The following PPP3CA variants were observed in gnomAD, a reference collection of about 807,000 sequenced individuals.
PPP3CA encodes CAM-PRP catalytic subunit.
In PPP3CA, 14 loss-of-function variants were observed where a neutral mutation model predicts 66.5. The ratio of observed to expected loss-of-function variants is 0.21; its 90% confidence interval spans 0.14 to 0.33. The LOEUF is 0.33. Ranked by LOEUF, PPP3CA falls within the 10% of genes least tolerant of loss-of-function variation. The pLI, the probability that PPP3CA is intolerant of heterozygous loss-of-function variation, is 1.00. For synonymous variants in PPP3CA, 232 were observed against 226.2 expected (o/e 1.03, Z -0.23); for missense variants, 317 against 639.5 (o/e 0.50, Z 5.44).
At chr4:101,044,522 A>C (rs1169339611) in intron 10 of PPP3CA, among the ~76,000 whole-genome samples, 1 of 152,220 alleles carries the variant, frequency 6.6e-6, no homozygotes, top group Non-Finnish European at 1.5e-5. Flanking sequence ...AAAACATATA[A>C]TCACTTATTT....
chr4:101,288,589 A>C (rs1727917431), intron 1 of PPP3CA, among the ~76,000 whole-genome samples: 1 of 151,836 alleles, frequency 6.6e-6, no homozygotes, highest in Non-Finnish European at 1.5e-5. Context: ...AAGAGGGAAC[A>C]ACGGGAAGGA....
In PPP3CA at chr4:101,257,730, A is replaced by C. The variant is rs183650164; in HGVS notation, c.59-61614T>G. 1.7e-3 allele frequency among the ~76,000 whole-genome samples: 254 copies of C among 152,206 alleles called. 1 individual carries two copies. Among genetic ancestry groups the C allele is most frequent in the African/African-American group, 5.7e-3 (238 of 41,546 alleles). ...CTGTGTGAAAGGTGTCAAGCTTACC[A>C]TAAATGTACTATTTGTTTATTTTTA... On this transcript the variant is annotated intron_variant, in intron 1 of 13. Coordinates refer to ENST00000394854, the MANE Select transcript of PPP3CA (RefSeq NM_000944.5).
intron 1 of PPP3CA, among the ~76,000 whole-genome samples, chr4:101,288,676 T>C (rs369543048): frequency 1.6e-4 from 25 of 152,042 alleles, no homozygotes; most frequent in East Asian, 1.4e-3. Flanking sequence ...AGCATGCTAG[T>C]TACAAAGACA....
At chr4:101,159,489 C>T (rs1005752797) in intron 2 of PPP3CA, among the ~76,000 whole-genome samples, 20 of 152,122 alleles carry the variant, frequency 1.3e-4, no homozygotes, top group Admixed American at 1.1e-3. Flanking sequence ...AACACTTCCA[C>T]CCAAAAGAAA....
chr4:101,135,885 G>C (rs1722606044), intron 2 of PPP3CA, among the ~76,000 whole-genome samples: 1 of 152,112 alleles, frequency 6.6e-6, no homozygotes, highest in Non-Finnish European at 1.5e-5. Context: ...TGGGTAAACA[G>C]CTTGAACTCT....
At chr4:101,246,789 G>A (rs1163765181) in intron 1 of PPP3CA, among the ~76,000 whole-genome samples, 1 of 151,968 alleles carries the variant, frequency 6.6e-6, no homozygotes, top group Non-Finnish European at 1.5e-5. Context: ...AAGTTAAAGG[G>A]CTTTGTTATT....
At chr4:101,326,232 C>T (rs1729204833) in intron 1 of PPP3CA, among the ~76,000 whole-genome samples, 1 of 152,182 alleles carries the variant, frequency 6.6e-6, no homozygotes, top group Admixed American at 6.5e-5. Context: ...CTAACTCCTA[C>T]ATATATCTGA....
intron 2 of PPP3CA, among the ~76,000 whole-genome samples, chr4:101,184,030 G>C (rs190074001): frequency 1.4e-4 from 22 of 152,166 alleles, no homozygotes; most frequent in Non-Finnish European, 2.8e-4. Flanking sequence ...AAAGTAGCTA[G>C]GTCAGAAAAA....
intron 1 of PPP3CA, among the ~76,000 whole-genome samples, chr4:101,311,982 TA>T (rs1728736865): frequency 6.6e-6 from 1 of 152,210 alleles, no homozygotes; most frequent in African/African-American, 2.4e-5. Context: ...TACTACTTTG[TA>T]TCACTATGTA....
At chr4:101,247,722 T>A (rs1263789298) in intron 1 of PPP3CA, among the ~76,000 whole-genome samples, 1 of 152,166 alleles carries the variant, frequency 6.6e-6, no homozygotes, top group Non-Finnish European at 1.5e-5. Flanking sequence ...AACAAAAGAA[T>A]TTTAATATAG....
At chr4:101,102,013 G>A (rs1302573211) in intron 3 of PPP3CA, among the ~76,000 whole-genome samples, 4 of 152,170 alleles carry the variant, frequency 2.6e-5, no homozygotes, top group African/African-American at 4.8e-5. Flanking sequence ...GCTTTATCCC[G>A]TCCAGTCTTA....
intron 1 of PPP3CA, chr4:101,250,238 C>T (rs956878217): frequency 2.8e-5 from 11 of 390,716 alleles, no homozygotes; most frequent in African/African-American, 8.5e-5. Context: ...GTCAAGGTCA[C>T]GCAGTGTGGT....
intron 1 of PPP3CA, among the ~76,000 whole-genome samples, chr4:101,207,413 G>A (rs1725166960): frequency 6.6e-6 from 1 of 152,178 alleles, no homozygotes; most frequent in Non-Finnish European, 1.5e-5. Context: ...AGTTCAGGGG[G>A]ACAAAGGCCT....
chr4:101,190,812 C>T (rs1325390525), intron 2 of PPP3CA, among the ~76,000 whole-genome samples: 2 of 152,150 alleles, frequency 1.3e-5, no homozygotes, highest in Admixed American at 6.5e-5. Flanking sequence ...TAGAAACACA[C>T]TTTTTATTTA....
chr4:101,295,136 CT>C (rs371468235), intron 1 of PPP3CA, among the ~76,000 whole-genome samples: 3,211 of 150,130 alleles, frequency 0.021, 97 homozygotes, highest in African/African-American at 0.06. Context: ...CCCGTCTCTA[CT>C]AAAAATACAA....
intron 1 of PPP3CA, among the ~76,000 whole-genome samples, chr4:101,342,218 T>G (rs1729840237): frequency 6.6e-6 from 1 of 152,184 alleles, no homozygotes; most frequent in Admixed American, 6.6e-5. Flanking sequence ...CTGGATGTCT[T>G]AAGATAAACT....
At chr4:101,296,796 T>C (rs1245139902) in intron 1 of PPP3CA, among the ~76,000 whole-genome samples, 1 of 152,164 alleles carries the variant, frequency 6.6e-6, no homozygotes, top group Non-Finnish European at 1.5e-5. Flanking sequence ...AACTAAAAAG[T>C]CATACATCTA....
At chr4:101,270,977 A>G (rs1727319500) in intron 1 of PPP3CA, among the ~76,000 whole-genome samples, 1 of 152,046 alleles carries the variant, frequency 6.6e-6, no homozygotes, top group South Asian at 2.1e-4. Flanking sequence ...GGATCTTGCT[A>G]TATCACCCAA....
At chr4:101,221,813 T>C (rs1041441640) in intron 1 of PPP3CA, among the ~76,000 whole-genome samples, 22 of 151,576 alleles carry the variant, frequency 1.5e-4, no homozygotes, top group Admixed American at 2.6e-4. Flanking sequence ...TTAGTAACTT[T>C]TCTGTTTCAA....
Sources: gnomAD v4.1 joint callset for allele counts (sites outside exome capture counted in the v4.1 genomes callset) on GRCh38, gnomAD v4.1.1 for gene constraint, MANE v1.5 for transcripts, NCBI Gene and HGNC (gene_info 2026-07-23, HGNC 2026-07-21) for gene names.